Variants in BACE2 observed in about 807,000 individuals in gnomAD.
BACE2 encodes beta-secretase 2.
A neutral mutation model predicts 46.2 loss-of-function variants in BACE2; 17 were observed. The ratio of observed to expected loss-of-function variants is 0.37; its 90% confidence interval spans 0.25 to 0.55. The LOEUF (loss-of-function observed/expected upper bound fraction) is 0.55, where lower values mean the gene tolerates loss of function less well. Among genes scored for constraint, BACE2 ranks in the 20% least tolerant of loss-of-function variants. BACE2 has a pLI of 0.82. For synonymous variants in BACE2, 277 were observed against 295.9 expected (o/e 0.94, Z 0.66); for missense variants, 595 against 698.1 (o/e 0.85, Z 1.66).
In BACE2 at chr21:41,193,145, C is replaced by T. The variant is rs971810826; in HGVS notation, c.312+24570C>T. 2.0e-5 allele frequency among the ~76,000 whole-genome samples: 3 copies of T among 152,192 alleles called. No homozygotes were observed. The highest frequency in any genetic ancestry group is 7.2e-5 in the African/African-American group (3 of 41,446). ...TGGAAACGAAAAGCGATCAAGGTCT[C>T]TCCAAATAAGATTATGACATAAAGC... On this transcript the variant is annotated intron_variant, in intron 1 of 8. Coordinates refer to ENST00000330333, the MANE Select transcript of BACE2 (RefSeq NM_012105.5). The surrounding 1 kb of genome is among the most constrained non-coding windows in gnomAD (Gnocchi z 4.2).
At chr21:41,186,627 C>G (rs1255763094) in intron 1 of BACE2, 1 of 152,278 alleles carries the variant, frequency 6.6e-6, no homozygotes, top group Non-Finnish European at 1.5e-5. Context: ...AGCCCCAAGA[C>G]TGGGGCTTAG....
intron 1 of BACE2, among the ~76,000 whole-genome samples, chr21:41,211,129 A>G (rs73222268): frequency 3.9e-5 from 6 of 152,208 alleles, no homozygotes; most frequent in Non-Finnish European, 8.8e-5. Context: ...AAACCACCAC[A>G]TTCCAGAATC....
At chr21:41,222,205 A>C (rs761743406) in intron 1 of BACE2, among the ~76,000 whole-genome samples, 6 of 152,206 alleles carry the variant, frequency 3.9e-5, no homozygotes, top group Non-Finnish European at 7.3e-5. Context: ...TAATGGATAT[A>C]GGAAGCACGT....
chr21:41,270,428 A>C (rs1242991380), intron 8 of BACE2, among the ~76,000 whole-genome samples: 2 of 152,126 alleles, frequency 1.3e-5, no homozygotes, highest in Admixed American at 6.5e-5. Flanking sequence ...TTTTATATAT[A>C]TATAATGGAG....
At chr21:41,223,012 A>T (rs1986703477) in intron 1 of BACE2, among the ~76,000 whole-genome samples, 1 of 152,140 alleles carries the variant, frequency 6.6e-6, no homozygotes, top group South Asian at 2.1e-4. Context: ...CCATCTCAAG[A>T]TGTTTCCTGG....
At chr21:41,213,465 T>C (rs1395275118) in intron 1 of BACE2, among the ~76,000 whole-genome samples, 2 of 152,054 alleles carry the variant, frequency 1.3e-5, no homozygotes, top group Non-Finnish European at 2.9e-5. Flanking sequence ...ACCCCACAAA[T>C]CATGCTGTTG....
intron 8 of BACE2, among the ~76,000 whole-genome samples, chr21:41,268,598 A>G (rs1054681176): frequency 1.3e-5 from 2 of 152,192 alleles, no homozygotes; most frequent in African/African-American, 4.8e-5. Flanking sequence ...AACAAAATCC[A>G]TGACTCTTTT....
chr21:41,234,748 G>C (rs115128971), intron 2 of BACE2, among the ~76,000 whole-genome samples: 2,561 of 152,334 alleles, frequency 0.017, 77 homozygotes, highest in African/African-American at 0.058. Context: ...AGGCACATCT[G>C]AATTTATATT....
chr21:41,214,130 C>G (rs1986382881), intron 1 of BACE2, among the ~76,000 whole-genome samples: 1 of 152,218 alleles, frequency 6.6e-6, no homozygotes, highest in African/African-American at 2.4e-5. Context: ...GTCATCACCC[C>G]CTTTCCTAGA....
At chr21:41,188,133 G>A (rs1408580787) in intron 1 of BACE2, among the ~76,000 whole-genome samples, 1 of 152,146 alleles carries the variant, frequency 6.6e-6, no homozygotes, top group Non-Finnish European at 1.5e-5. Flanking sequence ...AAATAGGAGA[G>A]AAGGCAGTGT....
chr21:41,168,268 G>A lies in BACE2; in HGVS notation c.5G>A (p.Gly2Asp). Residue 2 changes from glycine (G) to aspartate (D), a missense_variant, in exon 1 of 9, where the codon GGC becomes GAC. By Grantham distance (94) the Gly-to-Asp change is moderately conservative. Coordinates refer to ENST00000330333, the MANE Select transcript of BACE2 (RefSeq NM_012105.5). ...CCCCCGGGCCCCGCCGTGGGCATGG[G>A]CGCACTGGCCCGGGCGCTGCTGCTG... M[G>D]ALARALLLPL... 1 of 1,194,896 alleles carries A rather than the reference G, an allele frequency of 8.4e-7. No homozygotes were observed. 74.0% of individuals were successfully genotyped at this position (1,194,896 alleles called of 1,614,324 possible). A position where few individuals can be genotyped will look rare whatever the true frequency, so the allele number is the denominator to read the frequency against.
rs185386607 is a variant in BACE2 at position 41,259,248 on chromosome 21, T to C, written c.1303+1922T>C. Among the ~76,000 whole-genome samples the C allele has an allele frequency of 1.6e-3, 240 of 152,316 alleles. 1 individual carries two copies. Among genetic ancestry groups the C allele is most frequent in the African/African-American group, 5.1e-3 (211 of 41,574 alleles). On this transcript the variant is annotated intron_variant, in intron 8 of 8. Transcript: ENST00000330333. ...CTCTTATATACAGCTTTTGTTCCTT[T>C]TTTAAAAATGTACTTGAGCTTTTGG... is the stretch of plus-strand genomic sequence containing the variant.
intron 1 of BACE2, among the ~76,000 whole-genome samples, chr21:41,209,095 C>T (rs908399224): frequency 6.6e-6 from 1 of 152,218 alleles, no homozygotes; most frequent in Non-Finnish European, 1.5e-5. Flanking sequence ...CCCATGTGCA[C>T]CCTGGGAGGA....
intron 6 of BACE2, among the ~76,000 whole-genome samples, chr21:41,247,006 C>T (rs928280811): frequency 6.6e-6 from 1 of 152,150 alleles, no homozygotes; most frequent in African/African-American, 2.4e-5. Flanking sequence ...CCTGAGTGTT[C>T]TCATAGCATC....
chr21:41,244,425 ACAAT>A (rs1987397346), intron 5 of BACE2, among the ~76,000 whole-genome samples: 1 of 152,118 alleles, frequency 6.6e-6, no homozygotes, highest in African/African-American at 2.4e-5. Flanking sequence ...GTGGAAAATT[ACAAT>A]CAAAGGGGGT....
chr21:41,173,943 C>T (rs1016193031), intron 1 of BACE2, among the ~76,000 whole-genome samples: 2 of 151,790 alleles, frequency 1.3e-5, no homozygotes, highest in African/African-American at 2.4e-5. Context: ...TATAAGGCAA[C>T]CCCCTTATCA....
chr21:41,197,019 T>C (rs1422039840), intron 1 of BACE2, among the ~76,000 whole-genome samples: 1 of 152,184 alleles, frequency 6.6e-6, no homozygotes, highest in Non-Finnish European at 1.5e-5. Flanking sequence ...CTGAGTGCCA[T>C]GGCACAGTTA....
At chr21:41,263,996 ATTAT>A (rs1988004120) in intron 8 of BACE2, among the ~76,000 whole-genome samples, 1 of 152,176 alleles carries the variant, frequency 6.6e-6, no homozygotes, top group South Asian at 2.1e-4. Context: ...GAGATTTCTC[ATTAT>A]TTATTTCAGG....
At chr21:41,217,559 G>A (rs1235086180) in intron 1 of BACE2, among the ~76,000 whole-genome samples, 1 of 152,172 alleles carries the variant, frequency 6.6e-6, no homozygotes, top group Admixed American at 6.5e-5. Context: ...CCTTCCCTGT[G>A]GCAGCTCATG....
Sources: allele counts gnomAD v4.1 joint callset (sites outside exome capture counted in the v4.1 genomes callset), GRCh38; gene constraint gnomAD v4.1.1; non-coding constraint Gnocchi (gnomAD v3.1); transcripts MANE v1.5; gene names NCBI Gene and HGNC (gene_info 2026-07-23, HGNC 2026-07-21).